Variants in POU6F2 observed in about 807,000 individuals in gnomAD.
The protein encoded by POU6F2 is POU domain, class 6, transcription factor 2.
A neutral mutation model predicts 71.3 loss-of-function variants in POU6F2; 31 were observed. The ratio of observed to expected loss-of-function variants is 0.43; its 90% CI spans 0.33 to 0.59. The LOEUF is 0.59. Among genes scored for constraint, POU6F2 ranks in the 20% least tolerant of loss-of-function variants. POU6F2 has a pLI of 0.04. For missense variants in POU6F2, 783 were observed against 856.8 expected (o/e 0.91, Z 1.07); for synonymous variants, 347 against 355.7 (o/e 0.98, Z 0.27).
chr7:39,105,792 T>G (rs1334885249), intron 2 of POU6F2, among the ~76,000 whole-genome samples: 9 of 152,206 alleles, frequency 5.9e-5, no homozygotes, highest in African/African-American at 2.2e-4. Flanking sequence ...CTGAATTCTT[T>G]TCACTATTCT....
intron 5 of POU6F2, among the ~76,000 whole-genome samples, chr7:39,341,651 A>G (rs1785920267): frequency 6.6e-6 from 1 of 152,234 alleles, no homozygotes; most frequent in African/African-American, 2.4e-5. Flanking sequence ...AAAATTACCA[A>G]AGAAAAATAT....
At chr7:39,242,808 A>G (rs1307566954) in intron 4 of POU6F2, among the ~76,000 whole-genome samples, 2 of 152,192 alleles carry the variant, frequency 1.3e-5, no homozygotes, top group African/African-American at 4.8e-5. Flanking sequence ...ATGCAGGCAC[A>G]CGTGTACACA....
intron 5 of POU6F2, among the ~76,000 whole-genome samples, chr7:39,396,618 C>T (rs555241347): frequency 5.3e-4 from 80 of 152,348 alleles, no homozygotes; most frequent in Non-Finnish European, 8.2e-4. Flanking sequence ...CACTCTGCAT[C>T]CAATGACCTC....
intron 1 of POU6F2, among the ~76,000 whole-genome samples, chr7:39,070,431 C>G (rs1790854308): frequency 6.6e-6 from 1 of 150,754 alleles, no homozygotes; most frequent in African/African-American, 2.5e-5. Context: ...ACAAAGCAGC[C>G]TTTTGGAAGG....
At chr7:39,334,370 T>C (rs1434968649) in intron 4 of POU6F2, among the ~76,000 whole-genome samples, 1 of 152,108 alleles carries the variant, frequency 6.6e-6, no homozygotes, top group South Asian at 2.1e-4. Flanking sequence ...TGGAGGCATA[T>C]GACAGATGAA....
At chr7:39,203,854 T>A (rs1319001135) in intron 2 of POU6F2, among the ~76,000 whole-genome samples, 3 of 152,138 alleles carry the variant, frequency 2.0e-5, no homozygotes, top group African/African-American at 4.8e-5. Flanking sequence ...TTAGGGAATA[T>A]GAAGGAGATG....
chr7:38,997,907 C>A (rs1788784166), intron 1 of POU6F2, among the ~76,000 whole-genome samples: 1 of 152,094 alleles, frequency 6.6e-6, no homozygotes, highest in South Asian at 2.1e-4. Context: ...TGTTTTAATT[C>A]AAAGAGATTA....
intron 2 of POU6F2, among the ~76,000 whole-genome samples, chr7:39,146,276 T>G (rs1584566891): frequency 6.6e-6 from 1 of 152,194 alleles, no homozygotes; most frequent in East Asian, 1.9e-4. Context: ...AATGGAACCA[T>G]GGATGCCAAG....
intron 5 of POU6F2, among the ~76,000 whole-genome samples, chr7:39,361,502 A>C (rs922292862): frequency 5.3e-5 from 8 of 152,350 alleles, no homozygotes; most frequent in African/African-American, 1.7e-4. Context: ...GAAAGCATGC[A>C]GACCTACTAA....
chr7:38,985,741 T>G (rs1788446940), intron 1 of POU6F2, among the ~76,000 whole-genome samples: 1 of 152,162 alleles, frequency 6.6e-6, no homozygotes, highest in Non-Finnish European at 1.5e-5. Context: ...CAATATTTCT[T>G]GAACAAAGTG....
At chr7:39,272,773 A>T (rs1784363764) in intron 4 of POU6F2, among the ~76,000 whole-genome samples, 1 of 152,216 alleles carries the variant, frequency 6.6e-6, no homozygotes, top group East Asian at 1.9e-4. Flanking sequence ...AAGGTGATTT[A>T]TTTAGTGACA....
chr7:39,443,215 GA>G (rs979417411), intron 7 of POU6F2, among the ~76,000 whole-genome samples: 1 of 151,914 alleles, frequency 6.6e-6, no homozygotes, highest in Admixed American at 6.6e-5. Flanking sequence ...TTAGCAACTG[GA>G]AAAAAAAGCC....
chr7:39,140,956 T>C (rs1431701201), intron 2 of POU6F2, among the ~76,000 whole-genome samples: 1 of 152,090 alleles, frequency 6.6e-6, no homozygotes, highest in Non-Finnish European at 1.5e-5. Flanking sequence ...CAGGGGCCCA[T>C]GCCTACAAGT....
At chr7:39,253,402 A>C (rs1388591258) in intron 4 of POU6F2, among the ~76,000 whole-genome samples, 2 of 152,248 alleles carry the variant, frequency 1.3e-5, no homozygotes, top group African/African-American at 4.8e-5. Flanking sequence ...TACCCTATAA[A>C]TGCACATGGT....
At chr7:39,234,646 C>T (rs1403823773) in intron 4 of POU6F2, among the ~76,000 whole-genome samples, 1 of 152,128 alleles carries the variant, frequency 6.6e-6, no homozygotes, top group Non-Finnish European at 1.5e-5. Flanking sequence ...CATATGCAAC[C>T]TATCTCTAGG....
chr7:39,081,152 CATAA>C (rs1791111216), intron 1 of POU6F2, among the ~76,000 whole-genome samples: 1 of 152,112 alleles, frequency 6.6e-6, no homozygotes, highest in African/African-American at 2.4e-5. Context: ...GCTAACTACA[CATAA>C]ATAAACTAAG....
intron 6 of POU6F2, among the ~76,000 whole-genome samples, chr7:39,417,384 A>C (rs1044262093): frequency 6.6e-6 from 1 of 152,226 alleles, no homozygotes; most frequent in African/African-American, 2.4e-5. Flanking sequence ...AACTTACAAC[A>C]GTGAGAGGAG....
At chr7:39,223,123 T>G (rs1001870266) in intron 4 of POU6F2, among the ~76,000 whole-genome samples, 5 of 152,212 alleles carry the variant, frequency 3.3e-5, no homozygotes, top group African/African-American at 1.2e-4. Flanking sequence ...GTAGCTATCC[T>G]GTTGGGTGTG....
intron 2 of POU6F2, among the ~76,000 whole-genome samples, chr7:39,134,304 A>C (rs1409685027): frequency 6.6e-6 from 1 of 152,184 alleles, no homozygotes; most frequent in Admixed American, 6.5e-5. Context: ...GTAGGCTTTT[A>C]AAAGCAGGAC....
Sources: gnomAD v4.1 joint callset for allele counts (sites outside exome capture counted in the v4.1 genomes callset) on GRCh38, gnomAD v4.1.1 for gene constraint, MANE v1.5 for transcripts, NCBI Gene and HGNC (gene_info 2026-07-23, HGNC 2026-07-21) for gene names.